Variants in PCDHGA11 observed in about 807,000 individuals in gnomAD.
The protein encoded by PCDHGA11 is protocadherin gamma-A11.
A neutral mutation model predicts 60.4 loss-of-function variants in PCDHGA11; 39 were observed. The ratio of observed to expected loss-of-function variants is 0.65; its 90% CI spans 0.50 to 0.84. PCDHGA11 has a LOEUF of 0.84. PCDHGA11 is among the 40% of genes least tolerant of loss of function. PCDHGA11 has a pLI of 0.00. For missense variants in PCDHGA11, 1,165 were observed against 1,197.7 expected (o/e 0.97, Z 0.40); for synonymous variants, 533 against 510.3 (o/e 1.04, Z -0.60).
intron 1 of PCDHGA11, among the ~76,000 whole-genome samples, chr5:141,464,504 T>A (rs1264652523): frequency 6.6e-6 from 1 of 152,046 alleles, no homozygotes; most frequent in Non-Finnish European, 1.5e-5. Context: ...GATTGCTGCA[T>A]CATAAGGTAA....
In PCDHGA11 at chr5:141,422,136, AGTACGGGG is replaced by A. The variant is rs772818860; in HGVS notation, c.912_919del (p.Arg305SerfsTer4). 5.7e-6 allele frequency: 9 copies of A among 1,588,992 alleles called. No homozygotes were observed. Among genetic ancestry groups the A allele is most frequent in the Non-Finnish European group, 7.7e-6 (9 of 1,171,804 alleles). ...TGGATTCACAAACTGGAGAAGTTCA[AGTACGGGG>A]GTCTCTGGATTTTGAAAAATATAGA... On this transcript the variant is annotated frameshift_variant, in exon 1 of 4. Coordinates refer to ENST00000398587, the MANE Select transcript of PCDHGA11 (RefSeq NM_018914.3). LOFTEE classifies it high-confidence loss of function.
rs2099410057 is a variant in PCDHGA11, at chr5:141,477,370, G to C, written c.2434-17437G>C. The C allele has an allele frequency of 6.2e-7, 1 of 1,614,054 alleles. No homozygotes were observed. On this transcript the variant is annotated intron_variant, in intron 1 of 3. Coordinates refer to ENST00000398587, the MANE Select transcript of PCDHGA11 (RefSeq NM_018914.3). This position sits in a 1 kb window ranked among gnomAD's most constrained non-coding sequence, Gnocchi z 4.9. The stretch of plus-strand genomic sequence containing the variant: ...AAACCAGTGCAGACCTGGATCGGGA[G>C]ACTGTGCCAGAATACAACCTCAGCA...
rs2099412065 is a variant in PCDHGA11, at chr5:141,477,502, C to T, written c.2434-17305C>T. On this transcript the variant is annotated intron_variant, in intron 1 of 3. Coordinates refer to ENST00000398587, the MANE Select transcript of PCDHGA11 (RefSeq NM_018914.3). This position sits in a 1 kb window ranked among gnomAD's most constrained non-coding sequence, Gnocchi z 4.9. ...CTCCACAATCTTCTCAATCTTCCTACGACGTTTACATTGAAGAAAACAACC... is the reference window on the plus strand; with the variant it reads ...CTCCACAATCTTCTCAATCTTCCTATGACGTTTACATTGAAGAAAACAACC... 2 of 1,614,144 alleles carry T rather than the reference C, an allele frequency of 1.2e-6. No homozygotes were observed. Among genetic ancestry groups the T allele is most frequent in the Non-Finnish European group, 1.7e-6 (2 of 1,180,018 alleles).
At position 141,421,932 on chromosome 5, in the gene PCDHGA11, T is replaced by C. The variant is rs747598404; in HGVS notation, c.705T>C (p.Asp235=). The change falls in exon 1 of 4, where the codon GAT becomes GAC. Residue 235 remains aspartate, a synonymous_variant. Transcript: ENST00000398587. The part of the protein sequence containing the change: ...GAVPIRVVVL[D]VNDHIPMFTQ... The stretch of plus-strand genomic sequence containing the variant: ...TTCCCATTCGTGTGGTGGTCCTCGA[T>C]GTAAATGATCACATCCCAATGTTTA... 3 of 1,613,588 alleles carry C rather than the reference T, an allele frequency of 1.9e-6. No individual in the cohort carries two copies. The East Asian group carries it at 6.7e-5, about 36-fold the overall frequency.
At chr5:141,500,244 T>C (rs1426405294) in intron 2 of PCDHGA11, among the ~76,000 whole-genome samples, 1 of 151,640 alleles carries the variant, frequency 6.6e-6, no homozygotes, top group Non-Finnish European at 1.5e-5. Context: ...AGCCTTGCTC[T>C]GTCACCCAGG....
Position 141,510,960 on chromosome 5 carries a change from G to T in PCDHGA11, c.2595G>T (p.Gly865=). The T allele has an allele frequency of 6.2e-7, 1 of 1,614,120 alleles. No individual in the cohort carries two copies. The highest frequency in any genetic ancestry group is 1.3e-5 in the African/African-American group (1 of 75,022). ...ILASASEAAD[G]SSTLGGGAGT... is the part of the protein sequence containing the mutation. ...CTGTCTCTGCAGAAGCTGCTGATGG[G>T]AGCTCCACCCTGGGAGGGGGTGCCG... Residue 865 remains glycine, a synonymous_variant, in exon 4 of 4, where the codon GGG becomes GGT. Transcript: ENST00000398587.
chr5:141,436,240 G>A (rs192988618), intron 1 of PCDHGA11, among the ~76,000 whole-genome samples: 2 of 152,200 alleles, frequency 1.3e-5, no homozygotes, highest in East Asian at 3.9e-4. Flanking sequence ...AGCTAACATG[G>A]TCTAATTATT....
At chr5:141,428,307 C>T (rs759382004) in intron 1 of PCDHGA11, 5 of 688,034 alleles carry the variant, frequency 7.3e-6, no homozygotes, top group Non-Finnish European at 5.1e-6. Flanking sequence ...TTTACCTGGT[C>T]GTGGCCTTGG....
In PCDHGA11 at chr5:141,477,229, C is replaced by G. The variant is rs1376731101; in HGVS notation, c.2434-17578C>G. The G allele has an allele frequency of 6.2e-7, 1 of 1,614,222 alleles. No homozygotes were observed. The highest frequency in any genetic ancestry group is 8.5e-7 in the Non-Finnish European group (1 of 1,180,052). On this transcript the variant is annotated intron_variant, in intron 1 of 3. Transcript: ENST00000398587. This position sits in a 1 kb window ranked among gnomAD's most constrained non-coding sequence, Gnocchi z 4.9. ...AGGATGCCCCTCTGGGGACTGTCAT[C>G]GCTTTGCTCAGTGTGACTGACCTGG...
chr5:141,492,723 C>T (rs896613323), intron 1 of PCDHGA11, among the ~76,000 whole-genome samples: 2 of 152,268 alleles, frequency 1.3e-5, no homozygotes, highest in African/African-American at 4.8e-5. Flanking sequence ...GGCGGACAGG[C>T]AGAGCTGCCC....
intron 1 of PCDHGA11, chr5:141,430,668 C>T (rs538633559): frequency 1.6e-6 from 2 of 1,243,872 alleles, no homozygotes; most frequent in East Asian, 2.5e-5. Context: ...GGAGCTCTGA[C>T]TTCCCAACTG....
intron 1 of PCDHGA11, among the ~76,000 whole-genome samples, chr5:141,450,470 AGTTT>A (rs199699353): frequency 4.6e-5 from 7 of 151,680 alleles, no homozygotes; most frequent in Non-Finnish European, 8.8e-5. Flanking sequence ...TTATATATAG[AGTTT>A]GTTTGTTTGT....
At chr5:141,488,020 T>C (rs985558790) in intron 1 of PCDHGA11, among the ~76,000 whole-genome samples, 3 of 152,174 alleles carry the variant, frequency 2.0e-5, no homozygotes, top group African/African-American at 7.2e-5. Context: ...GTACCTTAAC[T>C]CTAGGTTACC....
Position 141,476,024 on chromosome 5 carries a change from C to T in PCDHGA11, c.2434-18783C>T. ...ATCCAGAAAGCCATGTCGGACTCGG[C>T]GCCCAGCGCCCAAGCGCTAACCCGC... On this transcript the variant is annotated intron_variant, in intron 1 of 3. Coordinates refer to ENST00000398587, the MANE Select transcript of PCDHGA11 (RefSeq NM_018914.3). The surrounding 1 kb of genome is among the most constrained non-coding windows in gnomAD (Gnocchi z 7.6). The T allele has an allele frequency of 1.4e-6, 2 of 1,416,548 alleles. No individual in the cohort carries two copies. Among genetic ancestry groups the T allele is most frequent in the Non-Finnish European group, 9.5e-7 (1 of 1,058,066 alleles). 87.7% of individuals were successfully genotyped at this position (1,416,548 alleles called of 1,614,324 possible).
rs749937052 is a variant in PCDHGA11, at chr5:141,490,441, G to A, written c.2434-4366G>A. ...CCTGCCATTTCAGATTAAGCCTTCT[G>A]AGAACCACTACTCGCTGCTAACCAG... On this transcript the variant is annotated intron_variant, in intron 1 of 3. Coordinates refer to ENST00000398587, the MANE Select transcript of PCDHGA11 (RefSeq NM_018914.3). The surrounding 1 kb of genome is among the most constrained non-coding windows in gnomAD (Gnocchi z 5.4). The A allele has an allele frequency of 9.3e-6, 15 of 1,614,208 alleles. No homozygotes were observed. The highest frequency in any genetic ancestry group is 1.2e-5 in the Non-Finnish European group (14 of 1,180,042).
chr5:141,433,204 C>T, intron 1 of PCDHGA11: 6 of 1,566,938 alleles, frequency 3.8e-6, no homozygotes, highest in Admixed American at 2.0e-5. Flanking sequence ...ATCAAATCTT[C>T]TTTCTTTTTT....
rs768812729 is a variant in PCDHGA11, at chr5:141,491,543, A to T, written c.2434-3264A>T. 2.5e-6 allele frequency: 4 copies of T among 1,613,842 alleles called. No individual in the cohort carries two copies. The highest frequency in any genetic ancestry group is 3.4e-6 in the Non-Finnish European group (4 of 1,179,982). The stretch of plus-strand genomic sequence containing the variant: ...ATGGAGGTGACGCTGCGGCCCACAG[A>T]CTCGCAGAGCCACTGCTACAGGACG... On this transcript the variant is annotated intron_variant, in intron 1 of 3. Transcript: ENST00000398587. This position sits in a 1 kb window ranked among gnomAD's most constrained non-coding sequence, Gnocchi z 6.9.
rs966009387 is a variant in PCDHGA11, at chr5:141,511,564, G to A, written c.*391G>A. The A allele has an allele frequency of 3.0e-5, 9 of 295,900 alleles. No individual in the cohort carries two copies. The highest frequency in any genetic ancestry group is 4.6e-5 in the Non-Finnish European group (7 of 151,798). The allele number at this position is 295,900 out of a possible 1,614,324, so 18.3% of individuals were successfully genotyped here. A position where few individuals can be genotyped will look rare whatever the true frequency, so the allele number is the denominator to read the frequency against. ...CCCACTCCAACAGTTCCTCTTTCCC[G>A]AGTAAGGTGGTTGGGGTGTTGAAGT... On this transcript the variant is annotated 3_prime_UTR_variant, in exon 4 of 4. Transcript: ENST00000398587.
intron 1 of PCDHGA11, chr5:141,428,224 G>A (rs1232582892): frequency 1.7e-6 from 2 of 1,164,198 alleles, no homozygotes; most frequent in Non-Finnish European, 1.3e-6. Flanking sequence ...AGTCTTCGCA[G>A]ACAGCCTGCA....
Sources: gnomAD v4.1 joint callset for allele counts (sites outside exome capture counted in the v4.1 genomes callset) on GRCh38, gnomAD v4.1.1 for gene constraint, Gnocchi (gnomAD v3.1) non-coding constraint, MANE v1.5 for transcripts, NCBI Gene and HGNC (gene_info 2026-07-23, HGNC 2026-07-21) for gene names.